The following CLASP1 variants were observed in gnomAD, a reference collection of about 807,000 sequenced individuals.
The protein encoded by CLASP1 is cytoplasmic linker associated protein 1.
A neutral mutation model predicts 192.3 loss-of-function variants in CLASP1; 38 were observed. That is an observed-to-expected ratio of 0.20 (90% confidence interval 0.15 to 0.26). CLASP1 has a LOEUF of 0.26. CLASP1 is among the 10% of genes least tolerant of loss of function. CLASP1 has a pLI of 1.00. For missense variants in CLASP1, 1,433 were observed against 1,932.5 expected (o/e 0.74, Z 4.85); for synonymous variants, 691 against 712.8 (o/e 0.97, Z 0.49).
chr2:121,495,026 A>C (rs964002977), intron 8 of CLASP1, among the ~76,000 whole-genome samples: 3 of 151,758 alleles, frequency 2.0e-5, no homozygotes, highest in African/African-American at 7.3e-5. Flanking sequence ...CATCTAAAAA[A>C]TAAATAAATA....
At chr2:121,546,608 C>A (rs896608257) in intron 2 of CLASP1, among the ~76,000 whole-genome samples, 2 of 151,944 alleles carry the variant, frequency 1.3e-5, no homozygotes, top group Admixed American at 6.6e-5. Context: ...TTACAACCCT[C>A]GGGTCAGGAG....
chr2:121,389,405 A>C (rs555909989), intron 30 of CLASP1, among the ~76,000 whole-genome samples: 1 of 152,174 alleles, frequency 6.6e-6, no homozygotes, highest in African/African-American at 2.4e-5. Flanking sequence ...TTTGATATGC[A>C]TATTTGCATA....
intron 2 of CLASP1, chr2:121,530,717 C>CTT (rs2094763038): frequency 2.0e-6 from 1 of 512,638 alleles, no homozygotes; most frequent in Non-Finnish European, 3.5e-6. Context: ...TTTTGCGACC[C>CTT]TTCGGGAGCC....
chr2:121,486,252 G>GGCC (rs1405714963), intron 8 of CLASP1, among the ~76,000 whole-genome samples: 1 of 152,164 alleles, frequency 6.6e-6, no homozygotes, highest in Admixed American at 6.5e-5. Flanking sequence ...GTACAATGCA[G>GGCC]GCCTTAAGTG....
At chr2:121,521,142 A>T (rs1310728963) in intron 6 of CLASP1, among the ~76,000 whole-genome samples, 4 of 152,182 alleles carry the variant, frequency 2.6e-5, no homozygotes, top group Admixed American at 1.3e-4. Context: ...GAAGAAAAAA[A>T]GTCTATCTTT....
chr2:121,497,059 C>T (rs1200057927), intron 8 of CLASP1, among the ~76,000 whole-genome samples: 1 of 151,670 alleles, frequency 6.6e-6, no homozygotes, highest in East Asian at 1.9e-4. Flanking sequence ...CTGGTAGTTA[C>T]CAAAGGCCAG....
At chr2:121,531,805 T>C (rs1055126364) in intron 2 of CLASP1, among the ~76,000 whole-genome samples, 19 of 149,930 alleles carry the variant, frequency 1.3e-4, no homozygotes, top group African/African-American at 4.7e-4. Context: ...GAGGCGGAGG[T>C]TGCAATGAGC....
At chr2:121,386,975 A>G (rs2073346901) in intron 32 of CLASP1, 147 bp downstream of exon 33, 1 of 676,982 alleles carries the variant, frequency 1.5e-6, no homozygotes, top group African/African-American at 1.8e-5. Flanking sequence ...TACAGTTACA[A>G]TTTGAGTGAG....
Position 121,407,723 on chromosome 2 carries a change from G to A in CLASP1, c.2425-8C>T. On this transcript the variant is annotated splice_polypyrimidine_tract_variant and splice_region_variant and intron_variant, in intron 24 of 39. Coordinates refer to ENST00000263710, the Ensembl canonical transcript of CLASP1. ...CCTCCTCACAGGCTTCTTCTGACAG[G>A]TCCAATGAGGGATGGGAGTGATTGA... 1 of 1,613,856 alleles carries A rather than the reference G, an allele frequency of 6.2e-7. No homozygotes were observed. Among genetic ancestry groups the A allele is most frequent in the Non-Finnish European group, 8.5e-7 (1 of 1,179,790 alleles).
intron 6 of CLASP1, among the ~76,000 whole-genome samples, chr2:121,521,764 A>G (rs928397445): frequency 7.2e-5 from 11 of 152,294 alleles, no homozygotes; most frequent in African/African-American, 1.2e-4. Context: ...TTCTCCGCAC[A>G]CTGGCTTTAG....
At chr2:121,416,444 C>A (rs183432627) in intron 23 of CLASP1, among the ~76,000 whole-genome samples, 1 of 152,090 alleles carries the variant, frequency 6.6e-6, no homozygotes, top group Admixed American at 6.5e-5. Flanking sequence ...GAGCTGGCTA[C>A]GTAAGTGGAT....
At chr2:121,494,527 G>A (rs112516854) in intron 8 of CLASP1, among the ~76,000 whole-genome samples, 2 of 152,136 alleles carry the variant, frequency 1.3e-5, no homozygotes, top group African/African-American at 4.8e-5. Flanking sequence ...ATAAGATCTA[G>A]TATTTGATAG....
intron 19 of CLASP1, among the ~76,000 whole-genome samples, chr2:121,441,335 AC>A (rs111503115): frequency 0.042 from 6,361 of 152,226 alleles, 168 homozygotes; most frequent in East Asian, 0.14. Context: ...GCATAATTAA[AC>A]CCAGCCTTTA....
intron 34 of CLASP1, among the ~76,000 whole-genome samples, chr2:121,369,636 C>G (rs1233495213): frequency 6.6e-6 from 1 of 152,178 alleles, no homozygotes; most frequent in African/African-American, 2.4e-5. Flanking sequence ...GCAGCAGGAA[C>G]CCGGTGTGCA....
chr2:121,547,682 G>A (rs924335230), intron 2 of CLASP1, among the ~76,000 whole-genome samples: 1 of 152,080 alleles, frequency 6.6e-6, no homozygotes. Context: ...AGAAACCCAC[G>A]CTTTTTGAGA....
chr2:121,609,811 C>A (rs113104570), intron 1 of CLASP1, among the ~76,000 whole-genome samples: 1 of 152,108 alleles, frequency 6.6e-6, no homozygotes, highest in African/African-American at 2.4e-5. Context: ...CATGGTGGCA[C>A]GTGCCTGTAA....
intron 32 of CLASP1, among the ~76,000 whole-genome samples, chr2:121,384,551 T>A (rs1049587929): frequency 6.6e-6 from 1 of 152,116 alleles, no homozygotes; most frequent in African/African-American, 2.4e-5. Context: ...ACTATCATCA[T>A]GATCCAAGTA....
At chr2:121,571,902 C>T (rs897492155) in intron 2 of CLASP1, among the ~76,000 whole-genome samples, 3 of 151,552 alleles carry the variant, frequency 2.0e-5, no homozygotes, top group African/African-American at 7.3e-5. Context: ...CTCAAGGCTT[C>T]GGAGCAGGGA....
intron 8 of CLASP1, among the ~76,000 whole-genome samples, chr2:121,494,101 T>C (rs938336119): frequency 1.3e-5 from 2 of 152,204 alleles, no homozygotes; most frequent in East Asian, 1.9e-4. Context: ...CTGCTAGGTA[T>C]GTACCCAAAA....
Sources: gnomAD v4.1 joint callset for allele counts (sites outside exome capture counted in the v4.1 genomes callset) on GRCh38, gnomAD v4.1.1 for gene constraint, MANE v1.5 for transcripts, NCBI Gene and HGNC (gene_info 2026-07-23, HGNC 2026-07-21) for gene names.